CHD9: variants seen among roughly 807,000 people sequenced by gnomAD.
CHD9 encodes chromodomain helicase DNA binding protein 9, also known as ATP-dependent chromatin remodeler CHD9.
In CHD9, 77 loss-of-function variants were observed where a neutral mutation model predicts 316.1. The observed-to-expected ratio is 0.24, with a 90% CI of 0.20 to 0.29. The LOEUF (loss-of-function observed/expected upper bound fraction) is 0.29. Ranked by LOEUF, CHD9 falls within the 10% of genes least tolerant of loss-of-function variation. The pLI is 1.00. For synonymous variants in CHD9, 1,129 were observed against 1,158.3 expected (o/e 0.97, Z 0.51); for missense variants, 2,763 against 3,438.1 (o/e 0.80, Z 4.91).
chr16:53,148,706 G>A (rs2040843884), intron 1 of CHD9, among the ~76,000 whole-genome samples: 1 of 152,148 alleles, frequency 6.6e-6, no homozygotes, highest in Admixed American at 6.6e-5. Context: ...CTGATACTGA[G>A]TTGTAGGAGT....
chr16:53,304,688 CTTTTCTTT>C, intron 31 of CHD9, 63 bp downstream of exon 31: 3 of 794,998 alleles, frequency 3.8e-6, no homozygotes, highest in African/African-American at 2.2e-5. Flanking sequence ...CTTTTCTTTT[CTTTTCTTT>C]TTTTTTTTTT....
chr16:53,324,802 C>T lies in CHD9; in HGVS notation c.8601C>T (p.Ser2867=). ...AACCAAGTCCTCTCAATGAAAACAG[C>T]ACAGATGAGGGTTCAGAGAAAGCTG... ...GTEPSPLNEN[S]TDEGSEKADA... is the part of the protein sequence containing the mutation. Residue 2867 remains serine, a synonymous_variant, in exon 39 of 39, where the codon AGC becomes AGT. Transcript: ENST00000447540. 1 of 1,612,950 alleles carries T rather than the reference C, an allele frequency of 6.2e-7. No individual in the cohort carries two copies. Among genetic ancestry groups the T allele is most frequent in the Non-Finnish European group, 8.5e-7 (1 of 1,179,372 alleles).
In CHD9 at chr16:53,157,410, A is replaced by G; in HGVS notation, c.1321A>G (p.Thr441Ala). 6.2e-7 allele frequency: 1 copy of G among 1,614,002 alleles called. No individual in the cohort carries two copies. Among genetic ancestry groups the G allele is most frequent in the East Asian group, 2.2e-5 (1 of 44,880 alleles). Residue 441 changes from threonine to alanine, a missense_variant, in exon 2 of 39, where the codon ACT (threonine) becomes GCT (alanine). Coordinates refer to ENST00000447540, the MANE Select transcript of CHD9 (RefSeq NM_001308319.2). ...AGATCATGACCTTGATCGGCAGTTT[A>G]CTTCGCATCTGGTAACACGGCCTTC... ...ILDHDLDRQF[T>A]SHLVTRPSDM... is the part of the protein sequence containing the mutation.
intron 1 of CHD9, chr16:53,122,005 A>C (rs2038761647): frequency 6.6e-6 from 1 of 152,252 alleles, no homozygotes; most frequent in Admixed American, 6.5e-5. Flanking sequence ...AGAGTCTATA[A>C]TGTAATGGAG....
chr16:53,080,106 G>C (rs1319110345), intron 1 of CHD9, among the ~76,000 whole-genome samples: 1 of 152,206 alleles, frequency 6.6e-6, no homozygotes, highest in Admixed American at 6.5e-5. Flanking sequence ...CAGGTAGTTA[G>C]TGTCAGAATT....
intron 1 of CHD9, among the ~76,000 whole-genome samples, chr16:53,155,297 A>C (rs1443618401): frequency 6.6e-6 from 1 of 151,964 alleles, no homozygotes; most frequent in East Asian, 1.9e-4. Context: ...ATTATGGCTC[A>C]CTGCAGCCTC....
intron 1 of CHD9, among the ~76,000 whole-genome samples, chr16:53,134,288 T>TA: frequency 6.6e-6 from 1 of 152,326 alleles, no homozygotes; most frequent in Middle Eastern, 3.4e-3. Context: ...ACTGATGAGA[T>TA]AGAGTTATTT....
intron 12 of CHD9, among the ~76,000 whole-genome samples, chr16:53,242,041 A>T (rs974273165): frequency 1.6e-4 from 24 of 152,158 alleles, no homozygotes; most frequent in African/African-American, 5.6e-4. Context: ...CTCTTACCTT[A>T]GGGCCTTCAT....
intron 30 of CHD9, among the ~76,000 whole-genome samples, chr16:53,302,228 T>C (rs975033008): frequency 1.8e-4 from 27 of 152,264 alleles, no homozygotes; most frequent in African/African-American, 6.5e-4. Flanking sequence ...ATTTGGTTTT[T>C]CTTTCTCGTT....
intron 2 of CHD9, among the ~76,000 whole-genome samples, chr16:53,164,110 T>C (rs913904915): frequency 1.3e-5 from 2 of 152,220 alleles, no homozygotes; most frequent in Non-Finnish European, 2.9e-5. Context: ...ATTGTAATAT[T>C]TAACAATAAT....
chr16:53,264,233 A>G (rs563329546), intron 20 of CHD9, among the ~76,000 whole-genome samples: 2 of 152,266 alleles, frequency 1.3e-5, no homozygotes, highest in East Asian at 1.9e-4. Flanking sequence ...TCTTATAACT[A>G]GAAAAAATAA....
chr16:53,084,209 G>A (rs1438075156), intron 1 of CHD9, among the ~76,000 whole-genome samples: 1 of 152,082 alleles, frequency 6.6e-6, no homozygotes, highest in East Asian at 1.9e-4. Context: ...CCTTAAATAT[G>A]CAGTTACTTG....
At chr16:53,231,396 A>C in intron 8 of CHD9, 23 bp from the exon 9 acceptor site, 1 of 1,387,612 alleles carries the variant, frequency 7.2e-7, no homozygotes, top group South Asian at 1.2e-5. Flanking sequence ...TCAGATGTCA[A>C]TTAAGTTACC....
intron 19 of CHD9, among the ~76,000 whole-genome samples, chr16:53,258,078 A>G (rs868284508): frequency 6.6e-6 from 1 of 152,180 alleles, no homozygotes; most frequent in African/African-American, 2.4e-5. Context: ...TAATGAGCAC[A>G]TGTGATTCTT....
At chr16:53,274,485 C>T (rs1420195384) in intron 24 of CHD9, among the ~76,000 whole-genome samples, 183 bp downstream of exon 24, 2 of 152,012 alleles carry the variant, frequency 1.3e-5, no homozygotes, top group Non-Finnish European at 2.9e-5. Context: ...GAGACAGTTT[C>T]ACTCTTGTTG....
intron 2 of CHD9, among the ~76,000 whole-genome samples, chr16:53,187,963 T>G (rs1187581962): frequency 6.6e-6 from 1 of 152,182 alleles, no homozygotes; most frequent in East Asian, 1.9e-4. Flanking sequence ...TTTTCACCAC[T>G]CCCAAAAGAA....
At chr16:53,132,970 G>A (rs972112510) in intron 1 of CHD9, among the ~76,000 whole-genome samples, 2 of 151,662 alleles carry the variant, frequency 1.3e-5, no homozygotes, top group East Asian at 3.9e-4. Context: ...CACCACGCCC[G>A]GCCGTTTCTT....
intron 20 of CHD9, among the ~76,000 whole-genome samples, chr16:53,264,713 G>A (rs901136834): frequency 2.0e-5 from 3 of 152,170 alleles, no homozygotes; most frequent in South Asian, 4.1e-4. Flanking sequence ...AGGTCACTGC[G>A]AAAGGATTAT....
chr16:53,080,029 G>A (rs529233753), intron 1 of CHD9, among the ~76,000 whole-genome samples: 18 of 152,286 alleles, frequency 1.2e-4, no homozygotes, highest in African/African-American at 2.4e-4. Context: ...CCAGAGATCC[G>A]GGACCTTCAA....
Sources: gnomAD v4.1 joint callset for allele counts (sites outside exome capture counted in the v4.1 genomes callset) on GRCh38, gnomAD v4.1.1 for gene constraint, MANE v1.5 for transcripts, NCBI Gene and HGNC (gene_info 2026-07-23, HGNC 2026-07-21) for gene names.